HEY1: variants seen among roughly 807,000 people sequenced by gnomAD.
The protein encoded by HEY1 is hes related family bHLH transcription factor with YRPW motif 1, also known as hairy/enhancer-of-split related with YRPW motif protein 1.
A neutral mutation model predicts 28.7 loss-of-function variants in HEY1; 9 were observed. The observed-to-expected ratio is 0.31, with a 90% CI of 0.19 to 0.55. The LOEUF (loss-of-function observed/expected upper bound fraction) is 0.55. HEY1 is among the 20% of genes least tolerant of loss of function. The probability of loss-of-function intolerance (pLI) is 0.93; values close to 1 mark genes in which losing one functional copy is unlikely to be tolerated. For missense variants in HEY1, 385 were observed against 399.4 expected (o/e 0.96, Z 0.31); for synonymous variants, 213 against 175.6 (o/e 1.21, Z -1.68).
In HEY1 at chr8:79,765,219, C is replaced by A; in HGVS notation, c.884G>T (p.Arg295Ile). The A allele has an allele frequency of 6.4e-7, 1 of 1,552,542 alleles. No individual in the cohort carries two copies. Among genetic ancestry groups the A allele is most frequent in the Non-Finnish European group, 8.7e-7 (1 of 1,147,272 alleles). Reference protein sequence around the residue: ...TQAANLGKPYRPWGTEIGAF With the variant: ...TQAANLGKPYIPWGTEIGAF ...AGCTCCGATCTCCGTCCCCCAAGGT[C>A]TATAGGGCTTGCCAAGGTTTGCAGC... is the stretch of plus-strand genomic sequence containing the variant. The change falls in exon 5 of 5, where the codon AGA becomes ATA. Residue 295 changes from arginine to isoleucine, a missense_variant. This residue lies in a region of HEY1 where 223 missense variants were observed against 215.9 expected (regional missense o/e 1.03). Coordinates refer to ENST00000354724, the MANE Select transcript of HEY1 (RefSeq NM_012258.4).
chr8:79,766,416 G>C, intron 4 of HEY1: 1 of 1,450,866 alleles, frequency 6.9e-7, no homozygotes, highest in Non-Finnish European at 9.0e-7. Flanking sequence ...ACAAATAATA[G>C]GTATTTTTCC....
intron 3 of HEY1, 123 bp downstream of exon 3, chr8:79,766,886 T>C: frequency 8.5e-7 from 1 of 1,183,046 alleles, no homozygotes; most frequent in Admixed American, 1.8e-5. Flanking sequence ...CGCTGGTATC[T>C]GTGTACGAAT....
chr8:79,766,943 T>C, intron 3 of HEY1, 66 bp downstream of exon 3: 2 of 1,391,194 alleles, frequency 1.4e-6, no homozygotes, highest in South Asian at 1.2e-5. Flanking sequence ...CGGATGAGAT[T>C]AATGAGGGGA....
At chr8:79,766,542 T>C (rs1807843412) in intron 4 of HEY1, 109 bp downstream of exon 4, 1 of 1,555,336 alleles carries the variant, frequency 6.4e-7, no homozygotes, top group Non-Finnish European at 8.7e-7. Flanking sequence ...CACCGTTCTC[T>C]CCCCACCCCC....
Position 79,766,686 on chromosome 8 carries a change from T to C in HEY1, c.296A>G (p.Asp99Gly), listed in dbSNP as rs768225507. The C allele has an allele frequency of 1.2e-6, 2 of 1,614,224 alleles. No individual in the cohort carries two copies. The highest frequency in any genetic ancestry group is 3.3e-5 in the Admixed American group (2 of 60,026). Residue 99 changes from aspartate to glycine, a missense_variant, in exon 4 of 5, where the codon GAT (aspartate) becomes GGT (glycine). By Grantham distance (94) the Asp-to-Gly change is moderately conservative. This residue lies in a region of HEY1 where 83 missense variants were observed against 122.7 expected (regional missense o/e 0.68). Coordinates refer to ENST00000354724, the MANE Select transcript of HEY1 (RefSeq NM_012258.4). ...TGCCGTATGCAGCATTTTCAGGTGA[T>C]CCACGGTCATCTGCAGGATCTCGGC... ...EKAEILQMTVDHLKMLHTAGG... is the reference protein window; with the variant it reads ...EKAEILQMTVGHLKMLHTAGG...
chr8:79,765,410 C>T lies in HEY1; in HGVS notation c.693G>A (p.Ala231=). Residue 231 remains alanine (A), a synonymous_variant, in exon 5 of 5, where the codon GCG becomes GCA. Coordinates refer to ENST00000354724, the MANE Select transcript of HEY1 (RefSeq NM_012258.4). ...CCGGTCCGAGGCTGCCGCTAGGGGG[C>T]GCTCGCAAAGCAGGCGCCTCCGGAT... ...SAHPEAPALR[A]PPSGSLGPVL... is the part of the protein sequence containing the mutation. 4.3e-6 allele frequency: 7 copies of T among 1,609,552 alleles called. No homozygotes were observed. Among genetic ancestry groups the T allele is most frequent in the Non-Finnish European group, 5.9e-6 (7 of 1,178,044 alleles).
Position 79,765,513 on chromosome 8 carries a change from G to A in HEY1, c.590C>T (p.Pro197Leu). 6.2e-7 allele frequency: 1 copy of A among 1,613,748 alleles called. No homozygotes were observed. The highest frequency in any genetic ancestry group is 8.5e-7 in the Non-Finnish European group (1 of 1,179,910). The change falls in exon 5 of 5, where the codon CCC becomes CTC. Residue 197 changes from proline (P) to leucine (L), a missense_variant. Coordinates refer to ENST00000354724, the MANE Select transcript of HEY1 (RefSeq NM_012258.4). Reference protein sequence around the residue: ...HPHIAHPLLLPQNGHGNAGTT... With the variant: ...HPHIAHPLLLLQNGHGNAGTT... ...GCCCGCGTTCCCGTGGCCGTTCTGG[G>A]GCAGCAACAGCGGGTGCGCGATGTG...
Position 79,767,710 on chromosome 8 carries a change from G to A in HEY1, c.-47C>T. 1 of 1,446,538 alleles carries A rather than the reference G, an allele frequency of 6.9e-7. No individual in the cohort carries two copies. The highest frequency in any genetic ancestry group is 2.5e-5 in the East Asian group (1 of 40,646). The allele number at this position is 1,446,538 out of a possible 1,614,324, so 89.6% of individuals were successfully genotyped here. A position where few individuals can be genotyped will look rare whatever the true frequency, so the allele number is the denominator to read the frequency against. On this transcript the variant is annotated 5_prime_UTR_variant, in exon 1 of 5. Coordinates refer to ENST00000354724, the MANE Select transcript of HEY1 (RefSeq NM_012258.4). ...GGGGAGGGTCGGCGCGGCGGGCAGG[G>A]AGGAGTTAACTACAGCGGCGCCTCT...
Position 79,767,566 on chromosome 8 carries a change from C to A in HEY1, c.89+9G>T. On this transcript the variant is annotated intron_variant, in intron 1 of 4. Coordinates refer to ENST00000354724, the MANE Select transcript of HEY1 (RefSeq NM_012258.4). ...CTGGCTCGGCTCCGCTCCGCCGCCG[C>A]CAGCTCACCCATTCTCGTCCGCACT... The A allele has an allele frequency of 6.3e-7, 1 of 1,598,470 alleles. No individual in the cohort carries two copies. The highest frequency in any genetic ancestry group is 8.5e-7 in the Non-Finnish European group (1 of 1,173,902).
chr8:79,766,485 T>A, intron 4 of HEY1, 166 bp downstream of exon 4: 1 of 1,506,178 alleles, frequency 6.6e-7, no homozygotes. Context: ...TGGAGAAGAT[T>A]CTATGTGCAT....
At position 79,764,323 on chromosome 8, in the gene HEY1, G is replaced by C. The variant is rs1366413473; in HGVS notation, c.*865C>G. On this transcript the variant is annotated 3_prime_UTR_variant, in exon 5 of 5. Transcript: ENST00000354724. ...CACTGTACTACTCAATTGACCACTC[G>C]CACACCATGATCACTTATCCATGTT... 4.4e-6 allele frequency: 1 copy of C among 225,498 alleles called. No homozygotes were observed. The highest frequency in any genetic ancestry group is 5.7e-5 in the Admixed American group (1 of 17,520). The allele number at this position is 225,498 out of a possible 1,614,324, so 14.0% of individuals were successfully genotyped here.
chr8:79,766,881 G>GT lies in HEY1; in HGVS notation c.249+127dup. On this transcript the variant is annotated intron_variant, in intron 3 of 4. Transcript: ENST00000354724. ...TCAGTTGTCTTCACAAAATACGCTG[G>GT]TATCTGTGTACGAATTCATCTAGGC... 4.2e-6 allele frequency: 5 copies of GT among 1,179,832 alleles called. 1 individual carries two copies. In the South Asian group the frequency reaches 6.4e-5, roughly 15 times the overall value. The allele number at this position is 1,179,832 out of a possible 1,614,324, so 73.1% of individuals were successfully genotyped here.
chr8:79,767,748 G>T lies in HEY1; in HGVS notation c.-85C>A, dbSNP rs551389768. The T allele has an allele frequency of 2.2e-5, 21 of 967,582 alleles. No individual in the cohort carries two copies. The highest frequency in any genetic ancestry group is 2.1e-4 in the African/African-American group (13 of 62,192). The allele number at this position is 967,582 out of a possible 1,614,324, so 59.9% of individuals were successfully genotyped here. A position where few individuals can be genotyped will look rare whatever the true frequency, so the allele number is the denominator to read the frequency against. The stretch of plus-strand genomic sequence containing the variant: ...CAGCGGCGCCTCTCCGCTCTCGGCT[G>T]CTTGCGTTCCGCACACACTGATCCC... On this transcript the variant is annotated 5_prime_UTR_variant, in exon 1 of 5. Transcript: ENST00000354724.
At chr8:79,766,425 C>G in intron 4 of HEY1, 1 of 1,455,466 alleles carries the variant, frequency 6.9e-7, no homozygotes, top group Non-Finnish European at 9.0e-7. Context: ...AGGTATTTTT[C>G]CAAAAGATGC....
chr8:79,767,631 C>G lies in HEY1; in HGVS notation c.33G>C (p.Ser11=), dbSNP rs749975418. 2.8e-5 allele frequency: 45 copies of G among 1,609,678 alleles called. No homozygotes were observed. In the Admixed American group the frequency reaches 7.4e-4, roughly 26 times the overall value. MKRAHPEYSS[S]DSELDETIEV... is the part of the protein sequence containing the mutation. The stretch of plus-strand genomic sequence containing the variant: ...CGATGGTCTCGTCCAGCTCGCTGTC[C>G]GAGGAGCTGTACTCGGGGTGAGCTC... The change falls in exon 1 of 5, where the codon TCG becomes TCC. Residue 11 remains serine (S), a synonymous_variant. Coordinates refer to ENST00000354724, the MANE Select transcript of HEY1 (RefSeq NM_012258.4).
At position 79,767,281 on chromosome 8, in the gene HEY1, C is replaced by T; in HGVS notation, c.103G>A (p.Ala35Thr). Residue 35 changes from alanine (A) to threonine (T), a missense_variant, in exon 2 of 5, where the codon GCT (alanine) becomes ACT (threonine). Transcript: ENST00000354724. ...GTAGTTGGGGACATGGAACCTAGAG[C>T]CGAACTCAAGTTTCTGAAAAGAGAA... is the stretch of plus-strand genomic sequence containing the variant. ...SADENGNLSS[A>T]LGSMSPTTSS... is the part of the protein sequence containing the mutation. The T allele has an allele frequency of 6.2e-7, 1 of 1,612,602 alleles. No homozygotes were observed. The highest frequency in any genetic ancestry group is 1.3e-5 in the African/African-American group (1 of 74,886).
rs764088719 is a variant in HEY1, at chr8:79,764,956, C to G, written c.*232G>C. ...TATACTCACTATTTCAATTTAATGT[C>G]TTGAACAAAATTTAACAACTAGTTT... On this transcript the variant is annotated 3_prime_UTR_variant, in exon 5 of 5. Coordinates refer to ENST00000354724, the MANE Select transcript of HEY1 (RefSeq NM_012258.4). The G allele has an allele frequency of 2.8e-5, 12 of 425,544 alleles. No homozygotes were observed. Among genetic ancestry groups the G allele is most frequent in the Non-Finnish European group, 4.5e-5 (11 of 242,150 alleles). The allele number at this position is 425,544 out of a possible 1,614,324, so 26.4% of individuals were successfully genotyped here. A position where few individuals can be genotyped will look rare whatever the true frequency, so the allele number is the denominator to read the frequency against.
rs1287844638 is a variant in HEY1, at chr8:79,766,650, C to T, written c.331+1G>A. The T allele has an allele frequency of 6.2e-7, 1 of 1,614,172 alleles. No individual in the cohort carries two copies. The highest frequency in any genetic ancestry group is 8.5e-7 in the Non-Finnish European group (1 of 1,180,034). ...GCCCCCACTAGGTCTAGGAGATGTA[C>T]CTTTCCCTCCTGCCGTATGCAGCAT... On this transcript the variant is annotated splice_donor_variant, in intron 4 of 4. Coordinates refer to ENST00000354724, the MANE Select transcript of HEY1 (RefSeq NM_012258.4). LOFTEE classifies it high-confidence loss of function.
In HEY1 at chr8:79,765,622, A is replaced by G. The variant is rs1219700258; in HGVS notation, c.481T>C (p.Tyr161His). 11 of 1,614,190 alleles carry G rather than the reference A, an allele frequency of 6.8e-6. No individual in the cohort carries two copies. The highest frequency in any genetic ancestry group is 9.3e-6 in the Non-Finnish European group (11 of 1,180,030). ...CTCGCGGCTTCCCGCTGGGAAGCGT[A>G]GTTGTTGAGATGCGAAACCAGTCGA... ...RVRLVSHLNN[Y>H]ASQREAASGA... The change falls in exon 5 of 5, where the codon TAC becomes CAC. Residue 161 changes from tyrosine (Y) to histidine (H), a missense_variant. By Grantham distance (83) the Tyr-to-His change is moderately conservative. Around this residue, in one of 3 missense-constraint regions of HEY1, gnomAD observed 223 missense variants for 215.9 expected, o/e 1.03. Transcript: ENST00000354724.
Sources: gnomAD v4.1 joint callset for allele counts on GRCh38, gnomAD v4.1.1 for gene constraint, gnomAD v4.1.1 regional missense constraint, MANE v1.5 for transcripts, NCBI Gene and HGNC (gene_info 2026-07-23, HGNC 2026-07-21) for gene names.